Variants in ABAT observed in about 807,000 individuals in gnomAD.
The protein encoded by ABAT is 4-aminobutyrate aminotransferase, also known as 4-aminobutyrate aminotransferase, mitochondrial.
A neutral mutation model predicts 64.6 loss-of-function variants in ABAT; 45 were observed. The ratio of observed to expected loss-of-function variants is 0.70; its 90% CI spans 0.55 to 0.89. ABAT has a LOEUF of 0.89. ABAT is among the 40% of genes least tolerant of loss of function. The probability of loss-of-function intolerance (pLI) is 0.00; values close to 1 mark genes in which losing one functional copy is unlikely to be tolerated. For missense variants in ABAT, 633 were observed against 658.4 expected (o/e 0.96, Z 0.42); for synonymous variants, 297 against 250.5 (o/e 1.19, Z -1.75).
chr16:8,757,461 C>T (rs181315426), intron 5 of ABAT, among the ~76,000 whole-genome samples: 401 of 152,258 alleles, frequency 2.6e-3, no homozygotes, highest in Non-Finnish European at 3.8e-3. Flanking sequence ...AGCCACCACA[C>T]GTGGCGCATT....
intron 8 of ABAT, chr16:8,765,918 C>G (rs897635611): frequency 2.5e-6 from 1 of 395,214 alleles, no homozygotes; most frequent in African/African-American, 2.1e-5. Context: ...GCCCGCACAT[C>G]TGGCCTCCAT....
chr16:8,740,758 C>T (rs1225747254), intron 2 of ABAT, among the ~76,000 whole-genome samples: 39 of 152,140 alleles, frequency 2.6e-4, no homozygotes, highest in Admixed American at 2.4e-3. Context: ...AGTGGGAGAC[C>T]ACATCAAAAT....
intron 11 of ABAT, among the ~76,000 whole-genome samples, chr16:8,769,836 A>C (rs2060052669): frequency 6.6e-6 from 1 of 151,888 alleles, no homozygotes; most frequent in Admixed American, 6.6e-5. Flanking sequence ...TGCAGCTGGA[A>C]AAAAATATCA....
intron 2 of ABAT, among the ~76,000 whole-genome samples, chr16:8,738,713 CG>C (rs2059068056): frequency 6.8e-6 from 1 of 148,130 alleles, no homozygotes; most frequent in Non-Finnish European, 1.5e-5. Context: ...GGTGCAATCT[CG>C]ACTCACTGCA....
intron 2 of ABAT, among the ~76,000 whole-genome samples, chr16:8,740,518 C>A (rs756387470): frequency 6.6e-6 from 1 of 152,138 alleles, no homozygotes; most frequent in African/African-American, 2.4e-5. Context: ...TTCACAGAGC[C>A]GCTTACAATG....
intron 1 of ABAT, among the ~76,000 whole-genome samples, chr16:8,725,405 T>G (rs2058521184): frequency 6.6e-6 from 1 of 151,992 alleles, no homozygotes; most frequent in African/African-American, 2.4e-5. Context: ...AACCCCTGAT[T>G]TATTTTCTGT....
Position 8,768,984 on chromosome 16 carries a change from T to C in ABAT, c.816+11T>C. The C allele has an allele frequency of 1.2e-6, 2 of 1,613,862 alleles. No individual in the cohort carries two copies. The highest frequency in any genetic ancestry group is 1.7e-6 in the Non-Finnish European group (2 of 1,179,852). On this transcript the variant is annotated intron_variant, in intron 11 of 15. Coordinates refer to ENST00000268251, the MANE Select transcript of ABAT (RefSeq NM_020686.6). The stretch of plus-strand genomic sequence containing the variant: ...CGCTGTCTGGAAGAGGTAATGCTCA[T>C]ACCCTGCGGATCCTCCCCAACCACC...
At chr16:8,690,203 C>T (rs567317315) in intron 1 of ABAT, among the ~76,000 whole-genome samples, 10 of 152,330 alleles carry the variant, frequency 6.6e-5, no homozygotes, top group African/African-American at 2.4e-4. Context: ...CAGCATCTGC[C>T]TGGCACCATC....
intron 1 of ABAT, among the ~76,000 whole-genome samples, chr16:8,698,553 C>T (rs964841002): frequency 3.3e-5 from 5 of 152,186 alleles, no homozygotes; most frequent in East Asian, 2.0e-4. Flanking sequence ...AGGCTGGTCT[C>T]GAACTCCTGA....
chr16:8,694,942 T>C (rs2057668578), intron 1 of ABAT, among the ~76,000 whole-genome samples: 1 of 152,204 alleles, frequency 6.6e-6, no homozygotes, highest in Non-Finnish European at 1.5e-5. Flanking sequence ...CCGCCTACAC[T>C]CTGCCTTCCC....
At chr16:8,752,045 CG>C (rs1386491263) in intron 5 of ABAT, among the ~76,000 whole-genome samples, 1 of 151,802 alleles carries the variant, frequency 6.6e-6, no homozygotes, top group Non-Finnish European at 1.5e-5. Context: ...GGGCATCCTC[CG>C]CTCCCCATCA....
At chr16:8,747,682 T>A (rs1567301658) in intron 3 of ABAT, among the ~76,000 whole-genome samples, 1 of 152,130 alleles carries the variant, frequency 6.6e-6, no homozygotes, top group African/African-American at 2.4e-5. Context: ...GTACAAGTGG[T>A]TTATGGAGTG....
intron 2 of ABAT, among the ~76,000 whole-genome samples, chr16:8,740,999 A>G (rs964557420): frequency 6.6e-6 from 1 of 152,250 alleles, no homozygotes; most frequent in Non-Finnish European, 1.5e-5. Context: ...ACATTCGTTT[A>G]TCACTCTCGG....
At chr16:8,748,240 G>A (rs1879951948) in intron 4 of ABAT, 103 bp downstream of exon 4, 3 of 1,112,324 alleles carry the variant, frequency 2.7e-6, no homozygotes, top group African/African-American at 1.6e-5. Context: ...AAAAAATGTA[G>A]TTGACTTTTG....
chr16:8,677,920 A>G (rs2057241438), intron 1 of ABAT, among the ~76,000 whole-genome samples: 2 of 152,158 alleles, frequency 1.3e-5, no homozygotes, highest in South Asian at 2.1e-4. Context: ...TCAGCTGGTC[A>G]TGGTGGCATG....
intron 1 of ABAT, among the ~76,000 whole-genome samples, chr16:8,707,007 T>C (rs1249156200): frequency 6.6e-6 from 1 of 151,938 alleles, no homozygotes; most frequent in Non-Finnish European, 1.5e-5. Context: ...TGGGGTGGCA[T>C]GTCAGTACTC....
intron 1 of ABAT, among the ~76,000 whole-genome samples, chr16:8,727,354 C>T (rs2058589225): frequency 6.6e-6 from 1 of 152,212 alleles, no homozygotes; most frequent in African/African-American, 2.4e-5. Flanking sequence ...CACCCACTCT[C>T]ACTGTGCACC....
intron 14 of ABAT, among the ~76,000 whole-genome samples, chr16:8,777,412 C>G (rs2060298685): frequency 6.6e-6 from 1 of 152,178 alleles, no homozygotes; most frequent in South Asian, 2.1e-4. Flanking sequence ...TCCTGGAGCT[C>G]CAGCCATCGC....
intron 1 of ABAT, among the ~76,000 whole-genome samples, chr16:8,702,265 CTT>C (rs772540336): frequency 7.4e-6 from 1 of 135,832 alleles, no homozygotes. Flanking sequence ...GTGCTGCACT[CTT>C]TTTTTTTTTT....
Sources: gnomAD v4.1 joint callset for allele counts (sites outside exome capture counted in the v4.1 genomes callset) on GRCh38, gnomAD v4.1.1 for gene constraint, MANE v1.5 for transcripts, NCBI Gene and HGNC (gene_info 2026-07-23, HGNC 2026-07-21) for gene names.